PITPNM3: variants seen among roughly 807,000 people sequenced by gnomAD.
The protein encoded by PITPNM3 is PITPNM family member 3.
A neutral mutation model predicts 102.0 loss-of-function variants in PITPNM3; 26 were observed. The ratio of observed to expected loss-of-function variants is 0.25; its 90% CI spans 0.19 to 0.35. The LOEUF is 0.35. PITPNM3 is among the 10% of genes least tolerant of loss of function. PITPNM3 has a pLI of 1.00. For synonymous variants in PITPNM3, 578 were observed against 558.6 expected (o/e 1.03, Z -0.49); for missense variants, 1,083 against 1,346.1 (o/e 0.80, Z 3.06).
chr17:6,465,631 C>T (rs1904727505), intron 14 of PITPNM3, among the ~76,000 whole-genome samples: 2 of 152,230 alleles, frequency 1.3e-5, no homozygotes, highest in Admixed American at 1.3e-4. Context: ...TCTTCCCTTG[C>T]CCAATTCCCC....
At chr17:6,493,762 A>G (rs957859708) in intron 4 of PITPNM3, among the ~76,000 whole-genome samples, 2 of 152,234 alleles carry the variant, frequency 1.3e-5, no homozygotes, top group African/African-American at 2.4e-5. Flanking sequence ...TCACAGAGAC[A>G]CTACCCCAGA....
chr17:6,492,572 C>G (rs912386209), intron 4 of PITPNM3, among the ~76,000 whole-genome samples: 3 of 151,912 alleles, frequency 2.0e-5, no homozygotes, highest in African/African-American at 7.3e-5. Flanking sequence ...AAAATGAACT[C>G]GAGGCTAGGC....
In PITPNM3 at chr17:6,459,711, G is replaced by A. The variant is rs959373030; in HGVS notation, c.2490+1662C>T. Reference sequence around the variant, plus strand: ...TCACCCCCAATGCAGAAGCTATATTGGTGAGCAGAACGGACAGGCTCTGCC... The same window carrying A: ...TCACCCCCAATGCAGAAGCTATATTAGTGAGCAGAACGGACAGGCTCTGCC... On this transcript the variant is annotated intron_variant, in intron 18 of 19. Transcript: ENST00000262483. The surrounding 1 kb of genome is among the most constrained non-coding windows in gnomAD (Gnocchi z 5.0). Among the ~76,000 whole-genome samples, 4 of 152,134 alleles carry A rather than the reference G, an allele frequency of 2.6e-5. No homozygotes were observed. The highest frequency in any genetic ancestry group is 1.3e-4 in the Admixed American group (2 of 15,280).
At position 6,472,095 on chromosome 17, in the gene PITPNM3, T is replaced by G. The variant is rs948189497; in HGVS notation, c.1429+562A>C. 6.6e-6 allele frequency among the ~76,000 whole-genome samples: 1 copy of G among 152,290 alleles called. No individual in the cohort carries two copies. Among genetic ancestry groups the G allele is most frequent in the Non-Finnish European group, 1.5e-5 (1 of 68,022 alleles). On this transcript the variant is annotated intron_variant, in intron 11 of 19. Transcript: ENST00000262483. This position sits in a 1 kb window ranked among gnomAD's most constrained non-coding sequence, Gnocchi z 4.1. ...CTGACTGTCCATTACAGGTCTCCCATCGACGATACACTCGGTCCATGCCCG... is the reference window on the plus strand; with the variant it reads ...CTGACTGTCCATTACAGGTCTCCCAGCGACGATACACTCGGTCCATGCCCG...
At chr17:6,494,025 A>G (rs1906649987) in intron 4 of PITPNM3, among the ~76,000 whole-genome samples, 1 of 151,742 alleles carries the variant, frequency 6.6e-6, no homozygotes, top group Non-Finnish European at 1.5e-5. Flanking sequence ...TCCCCTACAG[A>G]CTCCTTTGCA....
At chr17:6,532,918 C>T (rs777857823) in intron 2 of PITPNM3, among the ~76,000 whole-genome samples, 7 of 152,052 alleles carry the variant, frequency 4.6e-5, no homozygotes, top group Non-Finnish European at 5.9e-5. Context: ...CATACATTCC[C>T]GCCAGCCGAG....
rs541719953 is a variant in PITPNM3 at position 6,476,479 on chromosome 17, C to G, written c.1085+550G>C. On this transcript the variant is annotated intron_variant, in intron 9 of 19. Coordinates refer to ENST00000262483, the MANE Select transcript of PITPNM3 (RefSeq NM_031220.4). ...CTAGAAAGTTAAAGGGCAAACAGTT[C>G]TGTAGAGGAGCCTGCCTGGCCCATA... Among the ~76,000 whole-genome samples the G allele has an allele frequency of 1.4e-4, 22 of 152,328 alleles. No homozygotes were observed. The South Asian group carries it at 3.9e-3, about 27-fold the overall frequency.
intron 9 of PITPNM3, among the ~76,000 whole-genome samples, chr17:6,475,622 A>G (rs527661920): frequency 1.3e-5 from 2 of 152,140 alleles, no homozygotes; most frequent in Non-Finnish European, 2.9e-5. Flanking sequence ...GTTTAACAAT[A>G]CATATTTCAT....
Position 6,471,258 on chromosome 17 carries a change from C to T in PITPNM3, c.1527G>A (p.Ser509=), listed in dbSNP as rs758234075. 18 of 1,613,290 alleles carry T rather than the reference C, an allele frequency of 1.1e-5. No individual in the cohort carries two copies. The Admixed American group carries it at 1.2e-4, about 10-fold the overall frequency. Residue 509 remains serine (S), a synonymous_variant, in exon 12 of 20, where the codon TCG becomes TCA. Coordinates refer to ENST00000262483, the MANE Select transcript of PITPNM3 (RefSeq NM_031220.4). The part of the protein sequence containing the change: ...LDAPASPPQA[S]RFQRPGRRMS... ...TCCTCCGTCCTGGGCGCTGGAACCTCGAGGCCTGAGGGGGCGAGGCAGGGG... is the reference window on the plus strand; with the variant it reads ...TCCTCCGTCCTGGGCGCTGGAACCTTGAGGCCTGAGGGGGCGAGGCAGGGG...
rs566776255 is a variant in PITPNM3, at chr17:6,513,558, A to G, written c.227-9984T>C. ...AACAATTTCAGTTACATTAGCATCA[A>G]AAAGACTAAAATACTTAGGAATAAA... On this transcript the variant is annotated intron_variant, in intron 3 of 19. Coordinates refer to ENST00000262483, the MANE Select transcript of PITPNM3 (RefSeq NM_031220.4). 5.9e-5 allele frequency among the ~76,000 whole-genome samples: 9 copies of G among 152,366 alleles called. No individual in the cohort carries two copies. The East Asian group carries it at 1.5e-3, about 26-fold the overall frequency.
At chr17:6,550,345 ATGCTGT>A (rs1214393513) in intron 1 of PITPNM3, among the ~76,000 whole-genome samples, 6 of 152,218 alleles carry the variant, frequency 3.9e-5, no homozygotes, top group African/African-American at 1.4e-4. Flanking sequence ...TACCTCAGAG[ATGCTGT>A]TGAGCCATTG....
intron 3 of PITPNM3, among the ~76,000 whole-genome samples, chr17:6,522,397 G>A (rs1908585973): frequency 6.6e-6 from 1 of 152,152 alleles, no homozygotes; most frequent in African/African-American, 2.4e-5. Flanking sequence ...AATGGTTAGG[G>A]AGAGAAAAGG....
chr17:6,464,281 C>A lies in PITPNM3; in HGVS notation c.2045G>T (p.Arg682Leu), dbSNP rs759141007. The A allele has an allele frequency of 5.7e-5, 92 of 1,613,898 alleles. No individual in the cohort carries two copies. Among genetic ancestry groups the A allele is most frequent in the Non-Finnish European group, 7.0e-5 (83 of 1,180,016 alleles). ...ILVMAEPSSGRWVHLDTEITN... is the reference protein window; with the variant it reads ...ILVMAEPSSGLWVHLDTEITN... ...GATCTCTGTGTCCAGGTGTACCCAG[C>A]GGCCTGAGGATGGCTCTGCCATTAC... Residue 682 changes from arginine to leucine, a missense_variant, in exon 16 of 20, where the codon CGC becomes CTC. By Grantham distance (102) the Arg-to-Leu change is moderately radical (BLOSUM62 -2). This residue lies in a region of PITPNM3 where 410 missense variants were observed against 638.4 expected (regional missense o/e 0.64). Coordinates refer to ENST00000262483, the MANE Select transcript of PITPNM3 (RefSeq NM_031220.4).
chr17:6,457,653 G>C lies in PITPNM3; in HGVS notation c.2560C>G (p.Pro854Ala), dbSNP rs764590450. 1.2e-6 allele frequency: 2 copies of C among 1,611,886 alleles called. No individual in the cohort carries two copies. Among genetic ancestry groups the C allele is most frequent in the South Asian group, 1.1e-5 (1 of 90,400 alleles). ...CCCACAATGAAGATCTGGGAGGCAGGCAGGCCCAGCACGCTGTAGACAGAG... is the reference window on the plus strand; with the variant it reads ...CCCACAATGAAGATCTGGGAGGCAGCCAGGCCCAGCACGCTGTAGACAGAG... ...DISVYSVLGL[P>A]ASQIFIVGRP... Residue 854 changes from proline (P) to alanine (A), a missense_variant, in exon 19 of 20, where the codon CCT becomes GCT. Physicochemically the swap from Pro to Ala is conservative, Grantham distance 27. Around this residue, in one of 5 missense-constraint regions of PITPNM3, gnomAD observed 208 missense variants for 178.2 expected, o/e 1.17. Coordinates refer to ENST00000262483, the MANE Select transcript of PITPNM3 (RefSeq NM_031220.4). This position sits in a 1 kb window ranked among gnomAD's most constrained non-coding sequence, Gnocchi z 4.7.
At chr17:6,484,703 C>T (rs572651512) in intron 4 of PITPNM3, among the ~76,000 whole-genome samples, 3 of 152,192 alleles carry the variant, frequency 2.0e-5, no homozygotes, top group Non-Finnish European at 2.9e-5. Context: ...GCAAAGCGTA[C>T]GCACCCACTC....
intron 3 of PITPNM3, among the ~76,000 whole-genome samples, chr17:6,523,145 T>C (rs888106950): frequency 2.0e-5 from 3 of 152,138 alleles, no homozygotes; most frequent in Non-Finnish European, 4.4e-5. Flanking sequence ...CGGACTCAGG[T>C]AAGCACTGCC....
At chr17:6,509,980 G>A (rs111548484) in intron 3 of PITPNM3, among the ~76,000 whole-genome samples, 32 of 145,242 alleles carry the variant, frequency 2.2e-4, no homozygotes, top group African/African-American at 7.8e-4. Context: ...CCACCCCCTA[G>A]CTCCACACCT....
intron 1 of PITPNM3, among the ~76,000 whole-genome samples, chr17:6,544,654 T>TCTCTCTCTCACACA (rs376230474): frequency 1.1e-3 from 142 of 130,262 alleles, no homozygotes; most frequent in African/African-American, 3.6e-3. Flanking sequence ...TCTCTCTCTC[T>TCTCTCTCTCACACA]CACACACACA....
In PITPNM3 at chr17:6,537,630, G is replaced by C. The variant is rs895286491; in HGVS notation, c.118+357C>G. Among the ~76,000 whole-genome samples, 2 of 152,182 alleles carry C rather than the reference G, an allele frequency of 1.3e-5. No individual in the cohort carries two copies. The highest frequency in any genetic ancestry group is 6.5e-5 in the Admixed American group (1 of 15,280). On this transcript the variant is annotated intron_variant, in intron 2 of 19. Coordinates refer to ENST00000262483, the MANE Select transcript of PITPNM3 (RefSeq NM_031220.4). The surrounding 1 kb of genome is among the most constrained non-coding windows in gnomAD (Gnocchi z 4.4). ...CAGCTGGCACTTTTACTTAGCAGCG[G>C]CACTTTTACTTAGTGGCGATGGTCC... is the stretch of plus-strand genomic sequence containing the variant.
Sources: allele counts gnomAD v4.1 joint callset (sites outside exome capture counted in the v4.1 genomes callset), GRCh38; gene constraint gnomAD v4.1.1; regional missense constraint gnomAD v4.1.1; non-coding constraint Gnocchi (gnomAD v3.1); transcripts MANE v1.5; gene names NCBI Gene and HGNC (gene_info 2026-07-23, HGNC 2026-07-21).